Variants in KCNH1 observed in about 807,000 individuals in gnomAD.
KCNH1 encodes the protein potassium voltage-gated channel subfamily H member 1, also known as voltage-gated delayed rectifier potassium channel KCNH1.
Under a neutral mutation model 69.2 loss-of-function variants are expected in KCNH1, and 27 were observed. The observed-to-expected ratio is 0.39, with a 90% CI of 0.29 to 0.54. The LOEUF is 0.54. Among genes scored for constraint, KCNH1 ranks in the 20% least tolerant of loss-of-function variants. KCNH1 has a pLI of 0.68. For missense variants in KCNH1, 798 were observed against 1,261.6 expected (o/e 0.63, Z 5.57); for synonymous variants, 456 against 487.7 (o/e 0.93, Z 0.86).
chr1:211,096,752 A>G (rs906847991), intron 3 of KCNH1, among the ~76,000 whole-genome samples: 1 of 152,206 alleles, frequency 6.6e-6, no homozygotes, highest in Non-Finnish European at 1.5e-5. Context: ...TTTTTCCTCT[A>G]ACTCTGATGA....
chr1:210,698,487 C>G (rs1465594425), intron 10 of KCNH1, among the ~76,000 whole-genome samples: 1 of 152,176 alleles, frequency 6.6e-6, no homozygotes, highest in Non-Finnish European at 1.5e-5. Flanking sequence ...AGAAGGATCT[C>G]TAGCTAAAGG....
intron 6 of KCNH1, among the ~76,000 whole-genome samples, chr1:211,011,058 C>G (rs1243140507): frequency 1.3e-5 from 2 of 152,006 alleles, no homozygotes; most frequent in East Asian, 3.9e-4. Context: ...TATACACGTG[C>G]CATAGTGGTT....
At chr1:210,737,787 C>T (rs1682915812) in intron 10 of KCNH1, among the ~76,000 whole-genome samples, 1 of 152,226 alleles carries the variant, frequency 6.6e-6, no homozygotes, top group African/African-American at 2.4e-5. Flanking sequence ...CTGGCCATTT[C>T]TCCCCACAAC....
chr1:211,083,313 G>T (rs975873767), intron 4 of KCNH1, among the ~76,000 whole-genome samples: 1 of 152,206 alleles, frequency 6.6e-6, no homozygotes, highest in African/African-American at 2.4e-5. Flanking sequence ...CAGTCCCCAG[G>T]CTATCTGATC....
chr1:210,755,419 G>A (rs1161352751), intron 10 of KCNH1, among the ~76,000 whole-genome samples: 1 of 152,174 alleles, frequency 6.6e-6, no homozygotes, highest in Non-Finnish European at 1.5e-5. Flanking sequence ...TTAACACAAA[G>A]CCCAGGATGA....
At chr1:210,990,357 T>C (rs759861687) in intron 6 of KCNH1, among the ~76,000 whole-genome samples, 37 of 152,350 alleles carry the variant, frequency 2.4e-4, no homozygotes, top group Non-Finnish European at 4.6e-4. Context: ...AAAATGTATA[T>C]TGCAGCATCC....
At chr1:211,016,908 C>A (rs201918868) in intron 6 of KCNH1, among the ~76,000 whole-genome samples, 200 of 90,660 alleles carry the variant, frequency 2.2e-3, no homozygotes, top group Middle Eastern at 6.0e-3. Context: ...GACTCTGTCT[C>A]AAAAAAAAAA....
intron 7 of KCNH1, among the ~76,000 whole-genome samples, chr1:210,902,998 T>G (rs1162279510): frequency 6.6e-6 from 1 of 152,304 alleles, no homozygotes; most frequent in East Asian, 1.9e-4. Flanking sequence ...ATTTTCTGCT[T>G]TTGCTTTGAT....
At chr1:210,788,598 C>G (rs374592165) in intron 9 of KCNH1, among the ~76,000 whole-genome samples, 1 of 152,000 alleles carries the variant, frequency 6.6e-6, no homozygotes, top group South Asian at 2.1e-4. Context: ...CGCCTCCACC[C>G]TCTCTCAATC....
intron 6 of KCNH1, among the ~76,000 whole-genome samples, chr1:210,926,013 C>A (rs1269735504): frequency 6.6e-6 from 1 of 152,240 alleles, no homozygotes. Context: ...AATCCCAACA[C>A]TTTGGGAGGC....
intron 9 of KCNH1, among the ~76,000 whole-genome samples, chr1:210,777,187 G>T (rs1434595770): frequency 1.3e-5 from 2 of 152,152 alleles, no homozygotes; most frequent in Non-Finnish European, 2.9e-5. Flanking sequence ...ATACTTCCAA[G>T]TACATGGATA....
rs768616182 is a variant in KCNH1 at position 211,121,642 on chromosome 1, C to T, written c.79+12225G>A. ...ATGGGCAAAGACTTCATGACAAAAA[C>T]GCCAAAAGCAATTGCAACAAAAGCC... On this transcript the variant is annotated intron_variant, in intron 1 of 10. Coordinates refer to ENST00000271751, the MANE Select transcript of KCNH1 (RefSeq NM_172362.3). 7.9e-5 allele frequency among the ~76,000 whole-genome samples: 12 copies of T among 152,250 alleles called. No individual in the cohort carries two copies. In the South Asian group the frequency reaches 2.1e-3, roughly 26 times the overall value.
chr1:211,048,384 C>A (rs558919590), intron 5 of KCNH1, among the ~76,000 whole-genome samples: 1 of 152,240 alleles, frequency 6.6e-6, no homozygotes, highest in South Asian at 2.1e-4. Flanking sequence ...CTTGCACATG[C>A]ATGTTTACAG....
intron 8 of KCNH1, 35 bp from the exon 9 acceptor site, chr1:210,797,795 C>G: frequency 1.3e-6 from 2 of 1,589,316 alleles, no homozygotes; most frequent in Non-Finnish European, 1.7e-6. Context: ...TGTGAGGGTC[C>G]TCACTGTGGC....
intron 5 of KCNH1, among the ~76,000 whole-genome samples, chr1:211,058,650 C>T (rs952679849): frequency 1.3e-5 from 2 of 151,856 alleles, no homozygotes; most frequent in African/African-American, 4.8e-5. Context: ...GAGAAAATCA[C>T]CTTCATGAAA....
intron 7 of KCNH1, among the ~76,000 whole-genome samples, chr1:210,827,012 A>T (rs989225636): frequency 6.6e-6 from 1 of 152,200 alleles, no homozygotes; most frequent in Non-Finnish European, 1.5e-5. Context: ...TACCTTTTAC[A>T]ATTTCATAAC....
At chr1:210,686,601 G>C (rs893557821) in intron 10 of KCNH1, among the ~76,000 whole-genome samples, 2 of 152,226 alleles carry the variant, frequency 1.3e-5, no homozygotes, top group African/African-American at 4.8e-5. Context: ...AGGGGAAGGA[G>C]AGAAATGGGT....
chr1:210,985,397 C>T (rs11119649), intron 6 of KCNH1, among the ~76,000 whole-genome samples: 36,120 of 152,020 alleles, frequency 0.24, 5,881 homozygotes, highest in African/African-American at 0.45. Context: ...TTGGATCTTT[C>T]CTGCTTTCTC....
At chr1:210,902,317 T>C in intron 7 of KCNH1, among the ~76,000 whole-genome samples, 1 of 152,110 alleles carries the variant, frequency 6.6e-6, no homozygotes, top group East Asian at 1.9e-4. Context: ...GCCCAGAGGG[T>C]CTCAAGCAAT....
Sources: allele counts gnomAD v4.1 joint callset (sites outside exome capture counted in the v4.1 genomes callset), GRCh38; gene constraint gnomAD v4.1.1; transcripts MANE v1.5; gene names NCBI Gene and HGNC (gene_info 2026-07-23, HGNC 2026-07-21).